The following UGT3A1 variants were observed in gnomAD, a reference collection of about 807,000 sequenced individuals.
The protein encoded by UGT3A1 is UDP glycosyltransferase family 3 member A1.
A neutral mutation model predicts 37.6 loss-of-function variants in UGT3A1; 40 were observed. The ratio of observed to expected loss-of-function variants is 1.06; its 90% CI spans 0.83 to 1.38. The LOEUF (loss-of-function observed/expected upper bound fraction) is 1.38. Among genes scored for constraint, UGT3A1 ranks in the 40% most tolerant of loss-of-function variants. The pLI, the probability that UGT3A1 is intolerant of heterozygous loss-of-function variation, is 0.00. For missense variants in UGT3A1, 642 were observed against 634.2 expected, an observed-to-expected ratio of 1.01 and a Z score of -0.13; for synonymous variants, 256 against 232.3, an observed-to-expected ratio of 1.10 and a Z score of -0.93.
chr5:35,992,806 A>C (rs1400626244), upstream of UGT3A1, among the ~76,000 whole-genome samples: 1 of 152,150 alleles, frequency 6.6e-6, no homozygotes, highest in African/African-American at 2.4e-5. Context: ...GCTTTGGAGA[A>C]TTTTATGTTA....
intron 4 of UGT3A1, among the ~76,000 whole-genome samples, chr5:35,957,752 T>G (rs1452502163): frequency 6.6e-6 from 1 of 152,240 alleles, no homozygotes; most frequent in Non-Finnish European, 1.5e-5. Context: ...GAGTTCAGTC[T>G]TCTGAAATGA....
Position 35,954,041 on chromosome 5 carries a change from C to A in UGT3A1, c.*161G>T. 1 of 771,326 alleles carries A rather than the reference C, an allele frequency of 1.3e-6. No individual in the cohort carries two copies. Among genetic ancestry groups the A allele is most frequent in the Admixed American group, 2.9e-5 (1 of 34,444 alleles). 47.8% of individuals were successfully genotyped at this position (771,326 alleles called of 1,614,324 possible). ...GGCAAGTCAAGAAGCCTCAGTGGTG[C>A]GTGAAGATTTCTAAACAGAGGCAGA... On this transcript the variant is annotated 3_prime_UTR_variant, in exon 7 of 7. Coordinates refer to ENST00000274278, the MANE Select transcript of UGT3A1 (RefSeq NM_152404.4).
In UGT3A1 at chr5:35,999,886, C is replaced by A. The variant is rs371137987; in HGVS notation, c.-160+1082G>T. Among the ~76,000 whole-genome samples, 6 of 152,264 alleles carry A rather than the reference C, an allele frequency of 3.9e-5. No individual in the cohort carries two copies. The East Asian group carries it at 9.7e-4, about 25-fold the overall frequency. ...TCCATTGGGTTGAAGCTTTTCCCTG[C>A]AGGCAAGTAACAGCTATGGCAGCTG... On this transcript the variant is annotated intron_variant, in intron 1 of 5. Transcript: ENST00000625798.
At chr5:35,989,726 T>C (rs1315356040) in intron 1 of UGT3A1, among the ~76,000 whole-genome samples, 1 of 152,178 alleles carries the variant, frequency 6.6e-6, no homozygotes, top group Admixed American at 6.5e-5. Context: ...CAGCTCCCTC[T>C]TGAAGTCTGA....
At chr5:35,999,184 C>A (rs1035061809) in intron 1 of UGT3A1, among the ~76,000 whole-genome samples, 1 of 148,310 alleles carries the variant, frequency 6.7e-6, no homozygotes, top group East Asian at 2.0e-4. Flanking sequence ...TTGCAGTGAG[C>A]CGAGATCACA....
chr5:35,973,883 A>G (rs141559736), intron 2 of UGT3A1, among the ~76,000 whole-genome samples: 6 of 152,226 alleles, frequency 3.9e-5, no homozygotes, highest in Non-Finnish European at 7.3e-5. Flanking sequence ...AATTAGAATA[A>G]TCTGATTCAT....
intron 2 of UGT3A1, among the ~76,000 whole-genome samples, chr5:35,972,011 C>A (rs1165744075): frequency 1.3e-5 from 2 of 152,096 alleles, no homozygotes; most frequent in African/African-American, 4.8e-5. Flanking sequence ...CTCCACATAG[C>A]ACTCAGATCC....
Position 35,957,451 on chromosome 5 carries a change from C to A in UGT3A1, c.844-32G>T, listed in dbSNP as rs113824957. The A allele has an allele frequency of 2.8e-4, 440 of 1,587,374 alleles. 3 individuals carry two copies. In the African/African-American group the frequency reaches 5.2e-3, roughly 19 times the overall value. ...AGAGATGACAAAAGAAAGGAGGTGG[C>A]AAAATTGAGAACGCCTAAGTGTCCA... On this transcript the variant is annotated intron_variant, in intron 4 of 6. Coordinates refer to ENST00000274278, the MANE Select transcript of UGT3A1 (RefSeq NM_152404.4).
At chr5:35,984,835 CT>C (rs1337215527) in intron 2 of UGT3A1, among the ~76,000 whole-genome samples, 1 of 152,090 alleles carries the variant, frequency 6.6e-6, no homozygotes, top group Non-Finnish European at 1.5e-5. Context: ...AGCACAGCCC[CT>C]GACAGCGTAG....
chr5:35,977,477 G>A (rs116063401), intron 2 of UGT3A1, among the ~76,000 whole-genome samples: 2,747 of 152,226 alleles, frequency 0.018, 82 homozygotes, highest in African/African-American at 0.062. Flanking sequence ...GGACAGCTTG[G>A]TGCTGTCACC....
Position 35,951,690 on chromosome 5 carries a change from G to A in UGT3A1, c.*2512C>T, listed in dbSNP as rs1036251155. The A allele has an allele frequency of 6.6e-6, 1 of 152,092 alleles. No homozygotes were observed. The highest frequency in any genetic ancestry group is 1.5e-5 in the Non-Finnish European group (1 of 68,014). The allele number at this position is 152,092 out of a possible 1,614,324, so 9.4% of individuals were successfully genotyped here. On this transcript the variant is annotated 3_prime_UTR_variant, in exon 7 of 7. Transcript: ENST00000274278. ...TTACCATGATTTTTGCCATGCCAAAGTTTTTTGTGTCAAATTAATTTACAC... is the reference window on the plus strand; with the variant it reads ...TTACCATGATTTTTGCCATGCCAAAATTTTTTGTGTCAAATTAATTTACAC...
intron 2 of UGT3A1, among the ~76,000 whole-genome samples, chr5:35,971,166 TATGACATTATA>T (rs1227389102): frequency 6.6e-6 from 1 of 152,108 alleles, no homozygotes; most frequent in Non-Finnish European, 1.5e-5. Flanking sequence ...TAGGAGCAGT[TATGACATTATA>T]ATGAGGATGT....
chr5:35,951,324 C>T lies in UGT3A1; in HGVS notation c.*2878G>A, dbSNP rs1561450534. 1.3e-5 allele frequency: 2 copies of T among 152,140 alleles called. No individual in the cohort carries two copies. The highest frequency in any genetic ancestry group is 6.5e-5 in the Admixed American group (1 of 15,278). 9.4% of individuals were successfully genotyped at this position (152,140 alleles called of 1,614,324 possible). A position where few individuals can be genotyped will look rare whatever the true frequency, so the allele number is the denominator to read the frequency against. On this transcript the variant is annotated 3_prime_UTR_variant, in exon 7 of 7. Coordinates refer to ENST00000274278, the MANE Select transcript of UGT3A1 (RefSeq NM_152404.4). ...AATCTATCACACTCTGGTTTATTCCCTCTGCACTGTTTTTGCAAGGCAATG... is the reference window on the plus strand; with the variant it reads ...AATCTATCACACTCTGGTTTATTCCTTCTGCACTGTTTTTGCAAGGCAATG...
At chr5:35,994,702 G>A (rs1421674477), upstream of UGT3A1, among the ~76,000 whole-genome samples, 3 of 152,058 alleles carry the variant, frequency 2.0e-5, no homozygotes, top group Admixed American at 6.5e-5. Flanking sequence ...ACCAGTTTAG[G>A]TTGTGATGGC....
chr5:35,951,703 A>C lies in UGT3A1; in HGVS notation c.*2499T>G, dbSNP rs892004344. Reference sequence around the variant, plus strand: ...TGCCATGCCAAAGTTTTTTGTGTCAAATTAATTTACACTTCTCTTGTTGTA... The same window carrying C: ...TGCCATGCCAAAGTTTTTTGTGTCACATTAATTTACACTTCTCTTGTTGTA... On this transcript the variant is annotated 3_prime_UTR_variant, in exon 7 of 7. Transcript: ENST00000274278. 2.6e-5 allele frequency: 4 copies of C among 152,122 alleles called. No individual in the cohort carries two copies. The highest frequency in any genetic ancestry group is 5.9e-5 in the Non-Finnish European group (4 of 68,008). 9.4% of individuals were successfully genotyped at this position (152,122 alleles called of 1,614,324 possible).
chr5:35,974,606 A>C (rs1740187426), intron 2 of UGT3A1, among the ~76,000 whole-genome samples: 1 of 152,218 alleles, frequency 6.6e-6, no homozygotes, highest in Non-Finnish European at 1.5e-5. Flanking sequence ...GATAGATGTC[A>C]TAAACATAAC....
chr5:35,971,698 G>A (rs1740044920), intron 2 of UGT3A1, among the ~76,000 whole-genome samples: 1 of 152,100 alleles, frequency 6.6e-6, no homozygotes, highest in South Asian at 2.1e-4. Context: ...CAAGAAGGCA[G>A]GCTCCCTCCC....
chr5:35,966,696 A>G (rs1287857430), intron 3 of UGT3A1, among the ~76,000 whole-genome samples: 1 of 152,196 alleles, frequency 6.6e-6, no homozygotes, highest in East Asian at 1.9e-4. Flanking sequence ...GAGATGAAAT[A>G]GATCCTGAGC....
chr5:35,955,598 C>T (rs375763628), intron 6 of UGT3A1, 47 bp downstream of exon 6: 4 of 1,602,442 alleles, frequency 2.5e-6, no homozygotes, highest in Non-Finnish European at 8.6e-7. Context: ...CTTGTGTTTT[C>T]TATCTTCATT....
Sources: gnomAD v4.1 joint callset for allele counts (sites outside exome capture counted in the v4.1 genomes callset) on GRCh38, gnomAD v4.1.1 for gene constraint, MANE v1.5 for transcripts, NCBI Gene and HGNC (gene_info 2026-07-23, HGNC 2026-07-21) for gene names.